DNAJC15: variants seen among roughly 807,000 people sequenced by gnomAD.
DNAJC15 encodes DnaJ heat shock protein family (Hsp40) member C15.
Under a neutral mutation model 22.4 loss-of-function variants are expected in DNAJC15, and 27 were observed. That is an observed-to-expected ratio of 1.20 (90% confidence interval 0.89 to 1.66). The LOEUF is 1.66. Ranked by LOEUF, DNAJC15 falls within the 40% of genes most tolerant of loss-of-function variation. The pLI, the probability that DNAJC15 is intolerant of heterozygous loss-of-function variation, is 0.00. For missense variants in DNAJC15, 208 were observed against 187.1 expected (o/e 1.11, Z -0.65); for synonymous variants, 79 against 63.2 (o/e 1.25, Z -1.19).
chr13:43,052,030 T>C (rs939550039), intron 1 of DNAJC15, among the ~76,000 whole-genome samples: 11 of 152,250 alleles, frequency 7.2e-5, no homozygotes, highest in African/African-American at 2.6e-4. Flanking sequence ...AGTGGCGTGA[T>C]CTCGGCTCAC....
intron 3 of DNAJC15, among the ~76,000 whole-genome samples, chr13:43,076,124 CAG>C (rs1174350978): frequency 6.6e-6 from 1 of 152,110 alleles, no homozygotes; most frequent in Non-Finnish European, 1.5e-5. Flanking sequence ...AAACTTGTGT[CAG>C]GGGTGGGGGA....
chr13:43,056,252 A>C (rs2040530796), intron 1 of DNAJC15, among the ~76,000 whole-genome samples: 2 of 151,906 alleles, frequency 1.3e-5, no homozygotes, highest in Admixed American at 1.3e-4. Flanking sequence ...CCTGGGTTCA[A>C]GCAAGCCTCC....
At chr13:43,106,549 A>T (rs1329267406) in intron 5 of DNAJC15, among the ~76,000 whole-genome samples, 7 of 152,162 alleles carry the variant, frequency 4.6e-5, no homozygotes, top group Non-Finnish European at 1.0e-4. Context: ...CTCTGTAAAT[A>T]TTCGAATAGA....
chr13:43,036,394 GGGTGTC>G (rs753019403), intron 1 of DNAJC15, among the ~76,000 whole-genome samples: 1 of 152,138 alleles, frequency 6.6e-6, no homozygotes, highest in Non-Finnish European at 1.5e-5. Flanking sequence ...ATCCTGATAA[GGGTGTC>G]TGGCTAAGTC....
chr13:43,082,702 T>C (rs1334167174), intron 4 of DNAJC15, among the ~76,000 whole-genome samples: 1 of 152,194 alleles, frequency 6.6e-6, no homozygotes, highest in Non-Finnish European at 1.5e-5. Context: ...TTTCAGAGCA[T>C]TGTAATTAAT....
chr13:43,093,768 A>C (rs59831353), intron 5 of DNAJC15, among the ~76,000 whole-genome samples: 2,548 of 152,244 alleles, frequency 0.017, 84 homozygotes, highest in East Asian at 0.1. Context: ...AAAATATTAA[A>C]CTTCTTATAT....
chr13:43,083,960 A>T (rs1286200334), intron 4 of DNAJC15, among the ~76,000 whole-genome samples: 1 of 152,226 alleles, frequency 6.6e-6, no homozygotes, highest in African/African-American at 2.4e-5. Flanking sequence ...TCAGCAATTA[A>T]TAGTGCATTT....
chr13:43,029,737 G>A (rs190807551), intron 1 of DNAJC15, among the ~76,000 whole-genome samples: 30 of 152,092 alleles, frequency 2.0e-4, no homozygotes, highest in Admixed American at 8.5e-4. Flanking sequence ...TTGTTGATCT[G>A]CTGGCATTAT....
chr13:43,060,597 A>G (rs1208445262), intron 1 of DNAJC15, among the ~76,000 whole-genome samples: 2 of 152,338 alleles, frequency 1.3e-5, no homozygotes, highest in East Asian at 1.9e-4. Context: ...ATTAAAAAAT[A>G]TACAGAGTCC....
intron 4 of DNAJC15, among the ~76,000 whole-genome samples, chr13:43,081,498 G>C (rs1240005967): frequency 6.6e-6 from 1 of 151,778 alleles, no homozygotes; most frequent in Non-Finnish European, 1.5e-5. Flanking sequence ...GAGTACAGTG[G>C]CACGATCTCC....
intron 1 of DNAJC15, among the ~76,000 whole-genome samples, chr13:43,028,382 G>T (rs1480987066): frequency 2.0e-5 from 3 of 151,852 alleles, no homozygotes; most frequent in African/African-American, 7.3e-5. Flanking sequence ...TTTTTTTCAT[G>T]GTATTCCTTC....
chr13:43,105,709 A>G (rs1447038124), intron 5 of DNAJC15, among the ~76,000 whole-genome samples: 1 of 152,214 alleles, frequency 6.6e-6, no homozygotes, highest in African/African-American at 2.4e-5. Context: ...GTTATGTTTA[A>G]GTTCAGTTAA....
chr13:43,052,059 G>A (rs1378893847), intron 1 of DNAJC15, among the ~76,000 whole-genome samples: 2 of 151,992 alleles, frequency 1.3e-5, no homozygotes, highest in Non-Finnish European at 2.9e-5. Flanking sequence ...CTGGCTGCTT[G>A]GTTCAAGCGA....
intron 1 of DNAJC15, among the ~76,000 whole-genome samples, chr13:43,040,044 A>G (rs1169275776): frequency 6.6e-6 from 1 of 151,964 alleles, no homozygotes; most frequent in Non-Finnish European, 1.5e-5. Flanking sequence ...AAAAAGAAAT[A>G]TATACATTTA....
At chr13:43,100,774 G>C (rs1406034371) in intron 5 of DNAJC15, among the ~76,000 whole-genome samples, 1 of 152,114 alleles carries the variant, frequency 6.6e-6, no homozygotes, top group African/African-American at 2.4e-5. Context: ...ATATGTGTTA[G>C]TTCTTGTTAG....
At chr13:43,041,341 T>G (rs1405544118) in intron 1 of DNAJC15, among the ~76,000 whole-genome samples, 1 of 152,190 alleles carries the variant, frequency 6.6e-6, no homozygotes, top group Non-Finnish European at 1.5e-5. Flanking sequence ...TAACCCTGAG[T>G]TGACACAGCA....
intron 1 of DNAJC15, among the ~76,000 whole-genome samples, chr13:43,026,464 C>T (rs1226270208): frequency 6.6e-6 from 1 of 152,152 alleles, no homozygotes; most frequent in Non-Finnish European, 1.5e-5. Context: ...TTCAGAATGT[C>T]CCTAAGGGGT....
intron 1 of DNAJC15, among the ~76,000 whole-genome samples, chr13:43,056,951 A>C (rs1459461054): frequency 6.6e-6 from 1 of 152,206 alleles, no homozygotes; most frequent in Non-Finnish European, 1.5e-5. Context: ...TTCCTTCTTG[A>C]TCGTAGGGTT....
intron 1 of DNAJC15, among the ~76,000 whole-genome samples, chr13:43,047,144 G>A (rs948438284): frequency 1.3e-5 from 2 of 152,082 alleles, no homozygotes; most frequent in African/African-American, 2.4e-5. Context: ...AGACCCGCCC[G>A]TAACAGTGGT....
Sources: allele counts gnomAD v4.1 joint callset (sites outside exome capture counted in the v4.1 genomes callset), GRCh38; gene constraint gnomAD v4.1.1; transcripts MANE v1.5; gene names NCBI Gene and HGNC (gene_info 2026-07-23, HGNC 2026-07-21).